ATRNL1: variants seen among roughly 807,000 people sequenced by gnomAD.
The protein encoded by ATRNL1 is attractin like 1.
A neutral mutation model predicts 182.7 loss-of-function variants in ATRNL1; 95 were observed. The observed-to-expected ratio is 0.52, with a 90% CI of 0.44 to 0.62. ATRNL1 has a LOEUF of 0.62. Ranked by LOEUF, ATRNL1 falls within the 20% of genes least tolerant of loss-of-function variation. The probability of loss-of-function intolerance (pLI) is 0.00; values close to 1 mark genes in which losing one functional copy is unlikely to be tolerated. For missense variants in ATRNL1, 1,471 were observed against 1,679.5 expected, an observed-to-expected ratio of 0.88 and a Z score of 2.17; for synonymous variants, 576 against 568.3, an observed-to-expected ratio of 1.01 and a Z score of -0.19.
intron 5 of ATRNL1, among the ~76,000 whole-genome samples, chr10:115,144,810 G>T (rs986821789): frequency 1.9e-4 from 29 of 152,104 alleles, no homozygotes; most frequent in African/African-American, 6.5e-4. Flanking sequence ...TGCTTGACTG[G>T]CTGATAATAC....
intron 5 of ATRNL1, among the ~76,000 whole-genome samples, chr10:115,137,762 A>G (rs1845581131): frequency 6.6e-6 from 1 of 152,156 alleles, no homozygotes; most frequent in Non-Finnish European, 1.5e-5. Context: ...CAGCCAAACC[A>G]TATCATTCTG....
chr10:115,623,241 C>G (rs1179483595), intron 26 of ATRNL1, among the ~76,000 whole-genome samples: 1 of 151,946 alleles, frequency 6.6e-6, no homozygotes, highest in Non-Finnish European at 1.5e-5. Context: ...TATATGACAC[C>G]GAAAAGCAAG....
At chr10:115,368,182 G>A (rs373587359) in intron 19 of ATRNL1, among the ~76,000 whole-genome samples, 30 of 152,332 alleles carry the variant, frequency 2.0e-4, no homozygotes, top group East Asian at 7.7e-4. Flanking sequence ...GCGAGACTCC[G>A]TGGGCGTAGG....
rs181316509 is a variant in ATRNL1 at position 115,571,848 on chromosome 10, C to T, written c.3795+22312C>T. 5.4e-3 allele frequency among the ~76,000 whole-genome samples: 824 copies of T among 151,894 alleles called. 1 individual carries two copies. The highest frequency in any genetic ancestry group is 9.2e-3 in the Non-Finnish European group (624 of 67,930). ...TATAAAATTATAAAATATTCCTATTCATATAAGACATATTTCTGTGTCTTA... is the reference window on the plus strand; with the variant it reads ...TATAAAATTATAAAATATTCCTATTTATATAAGACATATTTCTGTGTCTTA... On this transcript the variant is annotated intron_variant, in intron 26 of 28. Coordinates refer to ENST00000355044, the MANE Select transcript of ATRNL1 (RefSeq NM_207303.4).
At chr10:115,471,496 T>A (rs1848309917) in intron 24 of ATRNL1, among the ~76,000 whole-genome samples, 1 of 151,028 alleles carries the variant, frequency 6.6e-6, no homozygotes. Context: ...CCACATCCAT[T>A]CTAACACTTG....
chr10:115,445,932 A>G (rs1846963454), intron 21 of ATRNL1, among the ~76,000 whole-genome samples: 1 of 152,120 alleles, frequency 6.6e-6, no homozygotes, highest in Non-Finnish European at 1.5e-5. Flanking sequence ...TCATTACTTT[A>G]TTTCTTTTTA....
intron 26 of ATRNL1, among the ~76,000 whole-genome samples, chr10:115,590,211 A>T (rs1423909164): frequency 6.6e-6 from 1 of 152,204 alleles, no homozygotes; most frequent in African/African-American, 2.4e-5. Flanking sequence ...AGATGCAGAG[A>T]CTAATTTGAA....
intron 13 of ATRNL1, among the ~76,000 whole-genome samples, chr10:115,277,977 G>C (rs1048336561): frequency 6.6e-6 from 1 of 152,158 alleles, no homozygotes; most frequent in African/African-American, 2.4e-5. Context: ...TTTAGTGTCT[G>C]TGGAAGTAAA....
At chr10:115,297,826 A>G (rs1554923196) in intron 15 of ATRNL1, among the ~76,000 whole-genome samples, 1 of 152,108 alleles carries the variant, frequency 6.6e-6, no homozygotes, top group Non-Finnish European at 1.5e-5. Flanking sequence ...TATTATTTTT[A>G]GTTCTTACAA....
intron 19 of ATRNL1, among the ~76,000 whole-genome samples, chr10:115,350,163 C>A (rs1406458650): frequency 1.3e-5 from 2 of 151,456 alleles, no homozygotes; most frequent in African/African-American, 2.4e-5. Context: ...TGGTGAAACC[C>A]CATCTCTACT....
Position 115,129,356 on chromosome 10 carries a change from G to T in ATRNL1, c.650G>T (p.Gly217Val). The T allele has an allele frequency of 6.2e-7, 1 of 1,613,128 alleles. No homozygotes were observed. Among genetic ancestry groups the T allele is most frequent in the Non-Finnish European group, 8.5e-7 (1 of 1,179,264 alleles). ...SINSCPNNCS[G>V]HGKCTTSVSV... ...AATTCTTGTCCTAACAATTGCTCTG[G>T]TCATGGGAAGTGTACAACTAGTGTC... The change falls in exon 5 of 29, where the codon GGT becomes GTT. Residue 217 changes from glycine (G) to valine (V), a missense_variant. Coordinates refer to ENST00000355044, the MANE Select transcript of ATRNL1 (RefSeq NM_207303.4).
At chr10:115,413,754 TGG>T (rs1565016336) in intron 20 of ATRNL1, among the ~76,000 whole-genome samples, 2 of 152,126 alleles carry the variant, frequency 1.3e-5, no homozygotes, top group African/African-American at 4.8e-5. Flanking sequence ...GCCTCAGTTG[TGG>T]AATCAGCTGT....
intron 13 of ATRNL1, 94 bp from the exon 14 acceptor site, chr10:115,281,256 GTTTAT>G (rs782768646): frequency 1.2e-4 from 113 of 972,196 alleles, no homozygotes; most frequent in Non-Finnish European, 1.6e-4. Flanking sequence ...AGTTAGAAAT[GTTTAT>G]TTTAAAGTTC....
intron 27 of ATRNL1, among the ~76,000 whole-genome samples, chr10:115,775,954 AT>A (rs11327668): frequency 1 from 140,273 of 140,342 alleles, 70,102 homozygotes; most frequent in Middle Eastern, 1. Context: ...GTGAAACTCC[AT>A]TCTCAAAAAA....
chr10:115,450,788 A>G (rs1360255538), intron 21 of ATRNL1, among the ~76,000 whole-genome samples: 1 of 152,180 alleles, frequency 6.6e-6, no homozygotes, highest in Non-Finnish European at 1.5e-5. Flanking sequence ...TAAACTTCAT[A>G]TGGAACCCAA....
intron 26 of ATRNL1, among the ~76,000 whole-genome samples, chr10:115,594,235 G>C (rs1856093917): frequency 6.6e-6 from 1 of 152,004 alleles, no homozygotes; most frequent in African/African-American, 2.4e-5. Flanking sequence ...ATATATGCAT[G>C]ATATCATATG....
At chr10:115,321,873 TTCTATCAAGAAAC>T (rs2134033027) in intron 18 of ATRNL1, among the ~76,000 whole-genome samples, 1 of 152,158 alleles carries the variant, frequency 6.6e-6, no homozygotes, top group Admixed American at 6.5e-5. Context: ...AGCATAAAGA[TTCTATCAAGAAAC>T]TGTTAGTACT....
chr10:115,288,526 T>G (rs1184217501), intron 15 of ATRNL1, among the ~76,000 whole-genome samples: 1 of 151,614 alleles, frequency 6.6e-6, no homozygotes, highest in Non-Finnish European at 1.5e-5. Context: ...TTCTTTTTTT[T>G]TTTTTTATTT....
intron 14 of ATRNL1, among the ~76,000 whole-genome samples, chr10:115,285,815 T>C (rs1159045897): frequency 1.3e-5 from 2 of 152,020 alleles, no homozygotes; most frequent in Admixed American, 1.3e-4. Context: ...CTTATAGGAG[T>C]AACTTTGAAA....
Sources: allele counts gnomAD v4.1 joint callset (sites outside exome capture counted in the v4.1 genomes callset), GRCh38; gene constraint gnomAD v4.1.1; transcripts MANE v1.5; gene names NCBI Gene and HGNC (gene_info 2026-07-23, HGNC 2026-07-21).